Variants in IQCJ observed in about 807,000 individuals in gnomAD.
IQCJ encodes IQ motif containing J.
A neutral mutation model predicts 11.0 loss-of-function variants in IQCJ; 9 were observed. The observed-to-expected ratio is 0.82, with a 90% CI of 0.49 to 1.43. IQCJ has a LOEUF of 1.43. IQCJ is among the 40% of genes most tolerant of loss of function. IQCJ has a pLI of 0.00. For synonymous variants in IQCJ, 55 were observed against 51.3 expected (o/e 1.07, Z -0.31); for missense variants, 146 against 133.2 (o/e 1.10, Z -0.47).
intron 1 of IQCJ, among the ~76,000 whole-genome samples, chr3:159,113,935 C>T (rs887612828): frequency 6.6e-6 from 1 of 152,196 alleles, no homozygotes; most frequent in African/African-American, 2.4e-5. Flanking sequence ...TATTCGAGAA[C>T]ATCAGACAAT....
At chr3:159,191,257 C>A (rs1232381110) in intron 1 of IQCJ, among the ~76,000 whole-genome samples, 1 of 152,108 alleles carries the variant, frequency 6.6e-6, no homozygotes, top group Non-Finnish European at 1.5e-5. Context: ...GTTGGAGGAG[C>A]ATGGGTTTAG....
rs1320095871 is a variant in IQCJ, at chr3:159,105,943, G to A, written c.9+36502G>A. On this transcript the variant is annotated intron_variant, in intron 1 of 3. Coordinates refer to ENST00000397832, the MANE Select transcript of IQCJ (RefSeq NM_001042706.3). The stretch of plus-strand genomic sequence containing the variant: ...TGTTTTCAAAAAGATCAGTTTGGCT[G>A]ATAAGGGAAAAAAGAGTAGAAGGAG... Among the ~76,000 whole-genome samples the A allele has an allele frequency of 3.3e-5, 5 of 152,128 alleles. No homozygotes were observed. In the East Asian group the frequency reaches 9.6e-4, roughly 29 times the overall value.
intron 1 of IQCJ, among the ~76,000 whole-genome samples, chr3:159,078,214 A>ACAC (rs920818024): frequency 5.5e-5 from 6 of 109,678 alleles, no homozygotes; most frequent in African/African-American, 1.6e-4. Context: ...GGGAAATATT[A>ACAC]CACAGGGGAC....
chr3:159,218,801 A>C (rs1725378524), intron 1 of IQCJ, among the ~76,000 whole-genome samples: 1 of 152,156 alleles, frequency 6.6e-6, no homozygotes. Flanking sequence ...ACACAGATTT[A>C]TGATCTCACA....
chr3:159,251,459 GTGTGAAAAGCT>G (rs1727593073), intron 2 of IQCJ, among the ~76,000 whole-genome samples: 1 of 151,558 alleles, frequency 6.6e-6, no homozygotes, highest in East Asian at 2.0e-4. Context: ...ATGATCTACA[GTGTGAAAAGCT>G]TTTCACACTG....
At chr3:159,239,948 C>G (rs548164532) in intron 1 of IQCJ, among the ~76,000 whole-genome samples, 2 of 152,104 alleles carry the variant, frequency 1.3e-5, no homozygotes, top group Non-Finnish European at 2.9e-5. Context: ...CTCTGATGTT[C>G]ACACAATGAT....
chr3:159,180,557 G>A (rs989221166), intron 1 of IQCJ, among the ~76,000 whole-genome samples: 5 of 151,902 alleles, frequency 3.3e-5, no homozygotes, highest in Non-Finnish European at 2.9e-5. Flanking sequence ...ATAGATAGAT[G>A]ATTGATAAAT....
chr3:159,146,675 C>G (rs1181018103), intron 1 of IQCJ, among the ~76,000 whole-genome samples: 1 of 152,140 alleles, frequency 6.6e-6, no homozygotes, highest in East Asian at 1.9e-4. Flanking sequence ...TGAGCTGAAA[C>G]ATTCCATAAG....
At chr3:159,166,037 C>G (rs1005962085) in intron 1 of IQCJ, among the ~76,000 whole-genome samples, 1 of 151,868 alleles carries the variant, frequency 6.6e-6, no homozygotes, top group Non-Finnish European at 1.5e-5. Flanking sequence ...TCCTACTTTT[C>G]TGATTTTCAA....
intron 1 of IQCJ, among the ~76,000 whole-genome samples, chr3:159,210,832 G>A (rs57789957): frequency 0.044 from 6,751 of 151,822 alleles, 462 homozygotes; most frequent in African/African-American, 0.16. Flanking sequence ...ACCACACCCC[G>A]CTAATTTTTC....
At chr3:159,189,987 A>G (rs1723590798) in intron 1 of IQCJ, among the ~76,000 whole-genome samples, 1 of 152,212 alleles carries the variant, frequency 6.6e-6, no homozygotes, top group Admixed American at 6.5e-5. Context: ...AATGCCTGAA[A>G]ATATTCACCC....
intron 1 of IQCJ, among the ~76,000 whole-genome samples, chr3:159,130,316 G>T (rs569404657): frequency 1.3e-5 from 2 of 152,252 alleles, no homozygotes; most frequent in Admixed American, 1.3e-4. Flanking sequence ...GGCAGTATGT[G>T]ATGGAATGCA....
chr3:159,088,596 G>T (rs1047654471), intron 1 of IQCJ, among the ~76,000 whole-genome samples: 1 of 152,032 alleles, frequency 6.6e-6, no homozygotes, highest in African/African-American at 2.4e-5. Context: ...TGTGAATCTG[G>T]GTGCTCCTGT....
At chr3:159,196,697 C>T (rs531072776) in intron 1 of IQCJ, among the ~76,000 whole-genome samples, 1 of 152,278 alleles carries the variant, frequency 6.6e-6, no homozygotes, top group East Asian at 1.9e-4. Context: ...AGTTCCCAGT[C>T]TTATTACTGC....
chr3:159,090,720 T>A (rs532481530), intron 1 of IQCJ, among the ~76,000 whole-genome samples: 1 of 151,690 alleles, frequency 6.6e-6, no homozygotes, highest in Non-Finnish European at 1.5e-5. Flanking sequence ...TTCCACAGGG[T>A]CTGGGACAGC....
intron 1 of IQCJ, among the ~76,000 whole-genome samples, chr3:159,073,505 C>CA (rs921147842): frequency 6.6e-6 from 1 of 152,122 alleles, no homozygotes; most frequent in African/African-American, 2.4e-5. Flanking sequence ...TTTGCACTCT[C>CA]AGGCATTTTG....
At chr3:159,084,913 C>T (rs1576993041) in intron 1 of IQCJ, among the ~76,000 whole-genome samples, 1 of 149,008 alleles carries the variant, frequency 6.7e-6, no homozygotes, top group African/African-American at 2.5e-5. Flanking sequence ...TGCATAAGTT[C>T]TTTTTTTTTT....
chr3:159,101,122 A>G lies in IQCJ; in HGVS notation c.9+31681A>G, dbSNP rs1163269349. Among the ~76,000 whole-genome samples the G allele has an allele frequency of 2.9e-3, 405 of 137,690 alleles. 1 individual carries two copies. The highest frequency in any genetic ancestry group is 0.011 in the African/African-American group (380 of 35,980). 90.3% of individuals were successfully genotyped at this position (137,690 alleles called of 152,430 possible). ...AAAGCGCAATATTCGGGTGGGAGTG[A>G]CCCGATTTTCCAGGTGCGTCCGTCA... On this transcript the variant is annotated intron_variant, in intron 1 of 3. Coordinates refer to ENST00000397832, the MANE Select transcript of IQCJ (RefSeq NM_001042706.3).
chr3:159,086,638 T>G (rs2108069682), intron 1 of IQCJ, among the ~76,000 whole-genome samples: 1 of 151,560 alleles, frequency 6.6e-6, no homozygotes, highest in African/African-American at 2.4e-5. Context: ...TTCACATCCC[T>G]TGTAAGTTGG....
Sources: gnomAD v4.1 joint callset for allele counts (sites outside exome capture counted in the v4.1 genomes callset) on GRCh38, gnomAD v4.1.1 for gene constraint, MANE v1.5 for transcripts, NCBI Gene and HGNC (gene_info 2026-07-23, HGNC 2026-07-21) for gene names.